ESR2: variants seen among roughly 807,000 people sequenced by gnomAD.
ESR2 encodes the protein estrogen receptor beta.
Under a neutral mutation model 49.6 loss-of-function variants are expected in ESR2, and 36 were observed. That is an observed-to-expected ratio of 0.73 (90% CI 0.56 to 0.96). The LOEUF is 0.96. Ranked by LOEUF, ESR2 falls within the 40% of genes least tolerant of loss-of-function variation. The pLI, the probability that ESR2 is intolerant of heterozygous loss-of-function variation, is 0.00. For missense variants in ESR2, 714 were observed against 693.0 expected (o/e 1.03, Z -0.34); for synonymous variants, 320 against 266.1 (o/e 1.20, Z -1.97).
intron 2 of ESR2, among the ~76,000 whole-genome samples, chr14:64,282,126 T>C (rs1190540244): frequency 6.6e-6 from 1 of 152,190 alleles, no homozygotes; most frequent in African/African-American, 2.4e-5. Context: ...GGTGGATCAT[T>C]TGAGGTCAGG....
intron 1 of ESR2, among the ~76,000 whole-genome samples, chr14:64,312,875 C>G (rs1334569926): frequency 3.3e-5 from 5 of 151,994 alleles, no homozygotes; most frequent in African/African-American, 1.2e-4. Context: ...CATCACTACA[C>G]TACAGCCTGG....
Position 64,230,926 on chromosome 14 carries a change from G to T in ESR2, c.*2211C>A, listed in dbSNP as rs1440113011. ...TTTTTTTTTTTTTTTTTGAGACAGG[G>T]TCTCCCTCTGTCACCCAGGCTGGAG... On this transcript the variant is annotated 3_prime_UTR_variant, in exon 9 of 9. Coordinates refer to ENST00000341099, the MANE Select transcript of ESR2 (RefSeq NM_001437.3). 3 of 136,918 alleles carry T rather than the reference G, an allele frequency of 2.2e-5. No homozygotes were observed. Among genetic ancestry groups the T allele is most frequent in the Non-Finnish European group, 4.6e-5 (3 of 65,416 alleles). The allele number at this position is 136,918 out of a possible 1,614,324, so 8.5% of individuals were successfully genotyped here.
At chr14:64,239,185 G>A (rs972893426) in intron 7 of ESR2, among the ~76,000 whole-genome samples, 42 of 152,082 alleles carry the variant, frequency 2.8e-4, no homozygotes, top group African/African-American at 9.9e-4. Context: ...AGGGCAGATG[G>A]GACTCAAAAG....
intron 7 of ESR2, among the ~76,000 whole-genome samples, chr14:64,245,509 C>CAAAAAAA (rs56160081): frequency 3.1e-5 from 2 of 65,460 alleles, no homozygotes; most frequent in African/African-American, 6.3e-5. Context: ...AAGACTCTGT[C>CAAAAAAA]AAAAAAAAAA....
chr14:64,280,584 G>T (rs2076647081), intron 2 of ESR2, among the ~76,000 whole-genome samples: 1 of 152,192 alleles, frequency 6.6e-6, no homozygotes, highest in Admixed American at 6.5e-5. Context: ...GGGTGTGAAG[G>T]CATTCAACCA....
chr14:64,306,214 A>G (rs2077096258), intron 1 of ESR2, among the ~76,000 whole-genome samples: 1 of 150,466 alleles, frequency 6.6e-6, no homozygotes, highest in Non-Finnish European at 1.5e-5. Context: ...AAAAAAAAGA[A>G]AAAAAAAAAG....
chr14:64,287,857 G>A (rs945862867), intron 1 of ESR2, among the ~76,000 whole-genome samples: 1 of 152,090 alleles, frequency 6.6e-6, no homozygotes, highest in Non-Finnish European at 1.5e-5. Context: ...CCAACACATC[G>A]ATTGAATGTT....
chr14:64,335,551 T>C (rs1567810129), intron 1 of ESR2, among the ~76,000 whole-genome samples: 2 of 152,148 alleles, frequency 1.3e-5, no homozygotes, highest in African/African-American at 4.8e-5. Flanking sequence ...ATAAGGACAC[T>C]ACTCCCATCG....
chr14:64,309,958 C>A (rs1232744007), intron 1 of ESR2, among the ~76,000 whole-genome samples: 2 of 151,984 alleles, frequency 1.3e-5, no homozygotes, highest in Non-Finnish European at 1.5e-5. Flanking sequence ...TGGTGGCGGG[C>A]GCCTGTAGTC....
chr14:64,317,802 A>C (rs965718773), intron 1 of ESR2, among the ~76,000 whole-genome samples: 3 of 152,178 alleles, frequency 2.0e-5, no homozygotes, highest in African/African-American at 2.4e-5. Context: ...ACAAAATTCA[A>C]CACCACTCAT....
chr14:64,310,473 CT>C (rs749049320), intron 1 of ESR2, among the ~76,000 whole-genome samples: 584 of 135,536 alleles, frequency 4.3e-3, no homozygotes, highest in Admixed American at 4.8e-3. Context: ...TGCCGGAGAA[CT>C]TTTTTTTTTT....
chr14:64,234,669 G>A (rs768858147), intron 8 of ESR2: 51 of 518,450 alleles, frequency 9.8e-5, no homozygotes, highest in Admixed American at 2.4e-4. Context: ...GTGGCAGTTC[G>A]TGTTAGGGGA....
intron 6 of ESR2, among the ~76,000 whole-genome samples, chr14:64,251,908 G>C (rs1013725201): frequency 6.6e-6 from 1 of 152,210 alleles, no homozygotes; most frequent in African/African-American, 2.4e-5. Context: ...GAGTTACACA[G>C]AACAAAGTTA....
At chr14:64,246,733 TC>T (rs2075863931) in intron 7 of ESR2, among the ~76,000 whole-genome samples, 1 of 30,408 alleles carries the variant, frequency 3.3e-5, no homozygotes, top group Non-Finnish European at 4.6e-5. Flanking sequence ...GAAGACTCTG[TC>T]AAAAAAAAAA....
Position 64,228,522 on chromosome 14 carries a change from G to A in ESR2, c.*4615C>T, listed in dbSNP as rs1249697203. On this transcript the variant is annotated 3_prime_UTR_variant, in exon 9 of 9. Coordinates refer to ENST00000341099, the MANE Select transcript of ESR2 (RefSeq NM_001437.3). Reference sequence around the variant, plus strand: ...CTGCAAATGAAGTCAACAAATTAGTGTAATGATACAAAGCATTCGTCTGAG... The same window carrying A: ...CTGCAAATGAAGTCAACAAATTAGTATAATGATACAAAGCATTCGTCTGAG... 1.3e-5 allele frequency among the ~76,000 whole-genome samples: 2 copies of A among 152,168 alleles called. No individual in the cohort carries two copies. The highest frequency in any genetic ancestry group is 3.2e-3 in the Middle Eastern group (1 of 316).
chr14:64,288,713 C>T (rs1452656271), intron 1 of ESR2, among the ~76,000 whole-genome samples: 4 of 149,022 alleles, frequency 2.7e-5, no homozygotes, highest in African/African-American at 4.9e-5. Context: ...CACCCGGGCG[C>T]GGGTGGCTCA....
At chr14:64,314,416 A>T (rs2077226350) in intron 1 of ESR2, among the ~76,000 whole-genome samples, 1 of 151,716 alleles carries the variant, frequency 6.6e-6, no homozygotes, top group South Asian at 2.1e-4. Flanking sequence ...GGAAGATCTC[A>T]AATTAATAAT....
intron 1 of ESR2, among the ~76,000 whole-genome samples, chr14:64,306,789 T>A (rs1415928652): frequency 6.6e-6 from 1 of 152,200 alleles, no homozygotes; most frequent in African/African-American, 2.4e-5. Context: ...GCTGTTATCC[T>A]AGGATGAATT....
At chr14:64,322,336 G>A (rs921915040) in intron 1 of ESR2, among the ~76,000 whole-genome samples, 6 of 152,112 alleles carry the variant, frequency 3.9e-5, no homozygotes, top group Admixed American at 3.9e-4. Flanking sequence ...TGGGATTACA[G>A]GCATGTGCCA....
Sources: allele counts gnomAD v4.1 joint callset (sites outside exome capture counted in the v4.1 genomes callset), GRCh38; gene constraint gnomAD v4.1.1; transcripts MANE v1.5; gene names NCBI Gene and HGNC (gene_info 2026-07-23, HGNC 2026-07-21).